The following PCDHGA3 variants were observed in gnomAD, a reference collection of about 807,000 sequenced individuals.
PCDHGA3 encodes the protein protocadherin gamma-A3.
Under a neutral mutation model 58.5 loss-of-function variants are expected in PCDHGA3, and 40 were observed. The ratio of observed to expected loss-of-function variants is 0.68; its 90% CI spans 0.53 to 0.89. The LOEUF is 0.89. PCDHGA3 is among the 40% of genes least tolerant of loss of function. The probability of loss-of-function intolerance (pLI) is 0.00; values close to 1 mark genes in which losing one functional copy is unlikely to be tolerated. For synonymous variants in PCDHGA3, 530 were observed against 525.7 expected, an observed-to-expected ratio of 1.01 and a Z score of -0.11; for missense variants, 1,223 against 1,195.9, an observed-to-expected ratio of 1.02 and a Z score of -0.33.
chr5:141,433,093 G>A (rs1203083573), intron 1 of PCDHGA3: 4 of 1,614,206 alleles, frequency 2.5e-6, no homozygotes, highest in Admixed American at 1.7e-5. Flanking sequence ...ATGCAGACAT[G>A]CTCGTCAGCC....
chr5:141,501,666 T>C (rs2099810374), intron 2 of PCDHGA3, among the ~76,000 whole-genome samples: 1 of 152,142 alleles, frequency 6.6e-6, no homozygotes. Context: ...TTGGAAAATA[T>C]AGATAATCAC....
intron 1 of PCDHGA3, among the ~76,000 whole-genome samples, chr5:141,466,757 T>G (rs1486124876): frequency 6.6e-6 from 1 of 152,224 alleles, no homozygotes; most frequent in Non-Finnish European, 1.5e-5. Context: ...AGGGGCTCTT[T>G]TCAAACTGTT....
chr5:141,386,174 A>G (rs2090487407), intron 1 of PCDHGA3, among the ~76,000 whole-genome samples: 1 of 152,240 alleles, frequency 6.6e-6, no homozygotes, highest in South Asian at 2.1e-4. Flanking sequence ...ACCTTAGACC[A>G]TCTTATGTAC....
intron 1 of PCDHGA3, among the ~76,000 whole-genome samples, chr5:141,488,289 TAAGTGAA>T (rs1389982829): frequency 6.6e-6 from 1 of 152,186 alleles, no homozygotes; most frequent in Non-Finnish European, 1.5e-5. Context: ...GAAAAAACAG[TAAGTGAA>T]ATCACTTATG....
chr5:141,352,154 G>C (rs770780067), intron 1 of PCDHGA3: 20 of 1,612,750 alleles, frequency 1.2e-5, no homozygotes, highest in Non-Finnish European at 1.7e-5. Flanking sequence ...GGGCGACAGG[G>C]ACGCGGCCCG....
chr5:141,443,018 A>G (rs2098358800), intron 1 of PCDHGA3, among the ~76,000 whole-genome samples: 1 of 152,208 alleles, frequency 6.6e-6, no homozygotes, highest in Admixed American at 6.5e-5. Flanking sequence ...TGACTAATGG[A>G]AGTTGCCAGA....
intron 1 of PCDHGA3, chr5:141,375,438 T>TC: frequency 1.2e-6 from 2 of 1,613,806 alleles, no homozygotes; most frequent in African/African-American, 1.3e-5. Flanking sequence ...CCGCCCACCT[T>TC]CCCCCATTCA....
intron 1 of PCDHGA3, chr5:141,357,547 G>A: frequency 1.2e-6 from 2 of 1,614,214 alleles, no homozygotes; most frequent in African/African-American, 1.3e-5. Context: ...CATCAGCCGG[G>A]AGAGTTGTGA....
chr5:141,369,608 T>G (rs1266511682), intron 1 of PCDHGA3, among the ~76,000 whole-genome samples: 1 of 152,214 alleles, frequency 6.6e-6, no homozygotes, highest in Non-Finnish European at 1.5e-5. Flanking sequence ...TTTTATAAGG[T>G]CAATCATTTC....
At chr5:141,361,130 G>C (rs1352888384) in intron 1 of PCDHGA3, 1 of 1,613,886 alleles carries the variant, frequency 6.2e-7, no homozygotes, top group African/African-American at 1.3e-5. Context: ...GCCCACTGCA[G>C]TATCCAAGTT....
At chr5:141,484,071 T>C (rs1405337642) in intron 1 of PCDHGA3, among the ~76,000 whole-genome samples, 1 of 152,144 alleles carries the variant, frequency 6.6e-6, no homozygotes, top group Non-Finnish European at 1.5e-5. Flanking sequence ...GTGAAAAGCT[T>C]GCTCTTTTGA....
intron 1 of PCDHGA3, among the ~76,000 whole-genome samples, chr5:141,348,020 CAAT>C (rs1036826017): frequency 1.8e-4 from 28 of 152,160 alleles, no homozygotes; most frequent in African/African-American, 6.0e-4. Context: ...GATTTCCAGA[CAAT>C]CTCTTCCAAC....
At chr5:141,350,950 G>T (rs781241590) in intron 1 of PCDHGA3, 2 of 1,613,932 alleles carry the variant, frequency 1.2e-6, no homozygotes, top group African/African-American at 1.3e-5. Flanking sequence ...TCCGAGTTAC[G>T]GATGCCAATG....
chr5:141,383,440 G>C, intron 1 of PCDHGA3: 1 of 1,613,950 alleles, frequency 6.2e-7, no homozygotes, highest in African/African-American at 1.3e-5. Flanking sequence ...CTTCTCCCTG[G>C]CTGTGCAAAG....
intron 2 of PCDHGA3, among the ~76,000 whole-genome samples, chr5:141,497,671 C>T (rs1026356633): frequency 6.6e-5 from 10 of 151,878 alleles, no homozygotes; most frequent in African/African-American, 2.4e-4. Flanking sequence ...TCCCGAGTAG[C>T]TGGGACAGCA....
chr5:141,484,333 A>T (rs1019527273), intron 1 of PCDHGA3, among the ~76,000 whole-genome samples: 2 of 152,198 alleles, frequency 1.3e-5, no homozygotes, highest in Non-Finnish European at 2.9e-5. Flanking sequence ...CCTTGAAATC[A>T]ATGAATGGTA....
chr5:141,490,640 G>C lies in PCDHGA3; in HGVS notation c.2425-4167G>C, dbSNP rs774630488. 1 of 1,614,122 alleles carries C rather than the reference G, an allele frequency of 6.2e-7. No individual in the cohort carries two copies. The highest frequency in any genetic ancestry group is 8.5e-7 in the Non-Finnish European group (1 of 1,180,012). On this transcript the variant is annotated intron_variant, in intron 1 of 3. Coordinates refer to ENST00000253812, the MANE Select transcript of PCDHGA3 (RefSeq NM_018916.4). This position sits in a 1 kb window ranked among gnomAD's most constrained non-coding sequence, Gnocchi z 5.4. The stretch of plus-strand genomic sequence containing the variant: ...TACACTGCTTACATCCTAGAAAACC[G>C]GCCTCCGGGCTCCCTTCTTTGCACT...
chr5:141,362,237 T>C (rs1381834832), intron 1 of PCDHGA3: 3 of 1,614,026 alleles, frequency 1.9e-6, no homozygotes, highest in Non-Finnish European at 2.5e-6. Flanking sequence ...TTGATCTCAG[T>C]GCTCTTCTTC....
chr5:141,396,727 G>T (rs2093426642), intron 1 of PCDHGA3: 1 of 152,114 alleles, frequency 6.6e-6, no homozygotes, highest in Non-Finnish European at 1.5e-5. Flanking sequence ...TACCTGAATT[G>T]ATTGTTGTAA....
Sources: allele counts gnomAD v4.1 joint callset (sites outside exome capture counted in the v4.1 genomes callset), GRCh38; gene constraint gnomAD v4.1.1; non-coding constraint Gnocchi (gnomAD v3.1); transcripts MANE v1.5; gene names NCBI Gene and HGNC (gene_info 2026-07-23, HGNC 2026-07-21).